EYS: variants seen among roughly 807,000 people sequenced by gnomAD.
The protein encoded by EYS is protein eyes shut homolog.
EYS carries 250 observed loss-of-function variants against 282.1 expected under a neutral mutation model. That is an observed-to-expected ratio of 0.89 (90% CI 0.80 to 0.98). EYS has a LOEUF of 0.98. Among genes scored for constraint, EYS ranks in the 50% least tolerant of loss-of-function variants. The probability of loss-of-function intolerance (pLI) is 0.00; values close to 1 mark genes in which losing one functional copy is unlikely to be tolerated. For synonymous variants in EYS, 1,355 were observed against 1,282.9 expected (o/e 1.06, Z -1.20); for missense variants, 4,016 against 3,709.0 (o/e 1.08, Z -2.15).
At chr6:64,390,819 T>C (rs1773102898) in intron 28 of EYS, among the ~76,000 whole-genome samples, 1 of 145,478 alleles carries the variant, frequency 6.9e-6, no homozygotes, top group Non-Finnish European at 1.5e-5. Context: ...GACGATCAAA[T>C]TACTCTGAGC....
chr6:64,835,792 T>C (rs1765365469), intron 19 of EYS, among the ~76,000 whole-genome samples: 1 of 151,782 alleles, frequency 6.6e-6, no homozygotes, highest in East Asian at 1.9e-4. Flanking sequence ...AACTTTATTC[T>C]ATAAAAATAG....
chr6:63,731,843 G>A (rs1350819777), intron 41 of EYS, among the ~76,000 whole-genome samples: 1 of 152,096 alleles, frequency 6.6e-6, no homozygotes, highest in East Asian at 1.9e-4. Context: ...TCCCTCTTGA[G>A]GAAGTGTTTG....
chr6:65,249,219 T>C (rs960988597), intron 12 of EYS, among the ~76,000 whole-genome samples: 1 of 152,024 alleles, frequency 6.6e-6, no homozygotes, highest in Non-Finnish European at 1.5e-5. Flanking sequence ...TCTAATATGA[T>C]GAACACCAAC....
At chr6:65,275,143 A>G (rs1167238849) in intron 12 of EYS, among the ~76,000 whole-genome samples, 1 of 152,146 alleles carries the variant, frequency 6.6e-6, no homozygotes, top group Non-Finnish European at 1.5e-5. Context: ...CGGCAGTGAC[A>G]GGCATTCTGT....
At chr6:64,057,072 G>A (rs1337768543) in intron 33 of EYS, among the ~76,000 whole-genome samples, 1 of 152,164 alleles carries the variant, frequency 6.6e-6, no homozygotes, top group Non-Finnish European at 1.5e-5. Context: ...GATGGCATTA[G>A]AATAAATTAT....
intron 26 of EYS, among the ~76,000 whole-genome samples, chr6:64,442,457 A>C (rs1017909974): frequency 2.6e-5 from 4 of 152,234 alleles, no homozygotes; most frequent in Non-Finnish European, 4.4e-5. Context: ...CCTGCTGCTG[A>C]TATTTGCATA....
intron 1 of EYS, among the ~76,000 whole-genome samples, chr6:65,682,423 C>T (rs1768864732): frequency 6.6e-6 from 1 of 151,848 alleles, no homozygotes; most frequent in Non-Finnish European, 1.5e-5. Context: ...GCTATCCTAA[C>T]ATATGTCATA....
intron 2 of EYS, among the ~76,000 whole-genome samples, chr6:65,592,925 GC>G (rs1765282136): frequency 1.3e-5 from 2 of 151,942 alleles, no homozygotes; most frequent in Admixed American, 1.3e-4. Flanking sequence ...CTACCACATA[GC>G]ACAACATTAT....
At chr6:64,476,653 C>A (rs975708487) in intron 26 of EYS, among the ~76,000 whole-genome samples, 1 of 151,930 alleles carries the variant, frequency 6.6e-6, no homozygotes, top group African/African-American at 2.4e-5. Context: ...TCATTTGGCT[C>A]TATATTCATT....
chr6:64,646,240 C>A (rs949585601), intron 22 of EYS, among the ~76,000 whole-genome samples: 3 of 152,062 alleles, frequency 2.0e-5, no homozygotes, highest in African/African-American at 7.2e-5. Flanking sequence ...GTATTTATAA[C>A]CCTAAAATCT....
intron 12 of EYS, among the ~76,000 whole-genome samples, chr6:65,182,506 C>T (rs1765414836): frequency 6.6e-6 from 1 of 151,378 alleles, no homozygotes; most frequent in Non-Finnish European, 1.5e-5. Context: ...TTAGTATTTC[C>T]ACGTCACTGC....
At chr6:64,723,000 C>A (rs189259100) in intron 22 of EYS, among the ~76,000 whole-genome samples, 121 of 151,428 alleles carry the variant, frequency 8.0e-4, no homozygotes, top group Non-Finnish European at 1.6e-3. Context: ...ATATCTGTAG[C>A]AGCAACCCCT....
chr6:63,811,907 C>T (rs1313039485), intron 36 of EYS, among the ~76,000 whole-genome samples: 2 of 152,164 alleles, frequency 1.3e-5, no homozygotes, highest in East Asian at 3.8e-4. Flanking sequence ...CAAAATATAT[C>T]CCAAATTACA....
At chr6:63,885,486 T>C (rs945451223) in intron 35 of EYS, among the ~76,000 whole-genome samples, 1 of 152,216 alleles carries the variant, frequency 6.6e-6, no homozygotes, top group Admixed American at 6.5e-5. Flanking sequence ...TTTCATTCAC[T>C]TATTGATTCA....
At chr6:64,522,456 C>T (rs371633264) in intron 26 of EYS, among the ~76,000 whole-genome samples, 18 of 151,798 alleles carry the variant, frequency 1.2e-4, no homozygotes, top group African/African-American at 3.9e-4. Context: ...GTCCAACCTG[C>T]ATCCAGAGTA....
chr6:65,613,299 C>T (rs914080025), intron 2 of EYS, among the ~76,000 whole-genome samples: 2 of 151,708 alleles, frequency 1.3e-5, no homozygotes, highest in Non-Finnish European at 3.0e-5. Context: ...TTATTTAATA[C>T]GGTGGTGACT....
At chr6:63,901,376 G>A (rs932778503) in intron 35 of EYS, among the ~76,000 whole-genome samples, 5 of 152,152 alleles carry the variant, frequency 3.3e-5, no homozygotes, top group Admixed American at 6.5e-5. Context: ...CATACTGTTC[G>A]AGATGTATAG....
chr6:63,812,582 T>G (rs1771076386), intron 36 of EYS, among the ~76,000 whole-genome samples: 1 of 152,306 alleles, frequency 6.6e-6, no homozygotes, highest in East Asian at 1.9e-4. Flanking sequence ...CTGTCCTTCA[T>G]GGTCTAATTG....
intron 18 of EYS, among the ~76,000 whole-genome samples, chr6:64,892,444 A>G (rs1009018725): frequency 6.6e-6 from 1 of 152,006 alleles, no homozygotes; most frequent in Admixed American, 6.6e-5. Flanking sequence ...CAAAATAAGA[A>G]AATGAAACCA....
Sources: gnomAD v4.1 joint callset for allele counts (sites outside exome capture counted in the v4.1 genomes callset) on GRCh38, gnomAD v4.1.1 for gene constraint, MANE v1.5 for transcripts, NCBI Gene and HGNC (gene_info 2026-07-23, HGNC 2026-07-21) for gene names.